ASCC3: variants seen among roughly 807,000 people sequenced by gnomAD.
The protein encoded by ASCC3 is activating signal cointegrator 1 complex subunit 3.
Under a neutral mutation model 256.3 loss-of-function variants are expected in ASCC3, and 158 were observed. The ratio of observed to expected loss-of-function variants is 0.62; its 90% CI spans 0.54 to 0.70. ASCC3 has a LOEUF of 0.70. Among genes scored for constraint, ASCC3 ranks in the 30% least tolerant of loss-of-function variants. The pLI is 0.00. For missense variants in ASCC3, 2,259 were observed against 2,626.0 expected, an observed-to-expected ratio of 0.86 and a Z score of 3.05; for synonymous variants, 948 against 883.4, an observed-to-expected ratio of 1.07 and a Z score of -1.30.
At chr6:100,819,857 T>C (rs1371541911) in intron 4 of ASCC3, among the ~76,000 whole-genome samples, 1 of 152,104 alleles carries the variant, frequency 6.6e-6, no homozygotes, top group Non-Finnish European at 1.5e-5. Context: ...GAACAGTATT[T>C]TGCATCCTTC....
At chr6:100,526,204 T>G (rs1774570587) in intron 37 of ASCC3, among the ~76,000 whole-genome samples, 1 of 152,170 alleles carries the variant, frequency 6.6e-6, no homozygotes, top group Non-Finnish European at 1.5e-5. Flanking sequence ...GTAAAAGCGC[T>G]TCAAGTGTGC....
At chr6:100,692,428 T>A (rs1777886880) in intron 13 of ASCC3, among the ~76,000 whole-genome samples, 1 of 152,072 alleles carries the variant, frequency 6.6e-6, no homozygotes, top group South Asian at 2.1e-4. Context: ...TGGTTTAATA[T>A]GATTATATTT....
intron 10 of ASCC3, among the ~76,000 whole-genome samples, chr6:100,728,076 A>G (rs1244239272): frequency 6.6e-6 from 1 of 152,166 alleles, no homozygotes; most frequent in East Asian, 1.9e-4. Context: ...AACAAATGCA[A>G]TATGTGAGCT....
chr6:100,820,775 C>G (rs1384499902), intron 4 of ASCC3, among the ~76,000 whole-genome samples: 2 of 151,760 alleles, frequency 1.3e-5, no homozygotes, highest in African/African-American at 4.8e-5. Context: ...ACAATGAACT[C>G]TTATAACTCA....
intron 10 of ASCC3, among the ~76,000 whole-genome samples, chr6:100,758,524 T>G (rs1336773840): frequency 2.0e-5 from 3 of 152,212 alleles, no homozygotes; most frequent in Admixed American, 6.5e-5. Flanking sequence ...CTGCTGAGGA[T>G]GATGGTTTCC....
intron 36 of ASCC3, among the ~76,000 whole-genome samples, chr6:100,563,228 C>G (rs1187346887): frequency 3.3e-5 from 5 of 151,800 alleles, no homozygotes; most frequent in African/African-American, 1.2e-4. Context: ...GCACATTTAC[C>G]CATTTCCTTT....
intron 37 of ASCC3, among the ~76,000 whole-genome samples, chr6:100,522,844 G>T (rs543452982): frequency 6.6e-6 from 1 of 151,246 alleles, no homozygotes; most frequent in South Asian, 2.1e-4. Flanking sequence ...TCTGGTAAAT[G>T]GGTACAGCTG....
At position 100,848,188 on chromosome 6, in the gene ASCC3, A is replaced by G. The variant is rs1562340581; in HGVS notation, c.761T>C (p.Met254Thr). The G allele has an allele frequency of 3.1e-6, 5 of 1,605,282 alleles. No homozygotes were observed. Among genetic ancestry groups the G allele is most frequent in the East Asian group, 2.2e-5 (1 of 44,780 alleles). ...VEDLCCTLYDMLASIKSGDEL... is the reference protein window; with the variant it reads ...VEDLCCTLYDTLASIKSGDEL... ...ATCACCACTTTTAATAGAAGCAAGC[A>G]TATCATATAAAGTACAGCAAAGATC... is the stretch of plus-strand genomic sequence containing the variant. The change falls in exon 4 of 42, where the codon ATG becomes ACG. Residue 254 changes from methionine to threonine, a missense_variant. Around this residue, in one of 2 missense-constraint regions of ASCC3, gnomAD observed 420 missense variants for 419.3 expected, o/e 1.00. Coordinates refer to ENST00000369162, the MANE Select transcript of ASCC3 (RefSeq NM_006828.4).
chr6:100,782,462 G>T (rs1782495162), intron 8 of ASCC3, among the ~76,000 whole-genome samples: 3 of 152,120 alleles, frequency 2.0e-5, no homozygotes, highest in Admixed American at 1.3e-4. Context: ...TTCAAAATAT[G>T]ATCCTGCTTC....
chr6:100,576,040 AT>A (rs1770841630), intron 36 of ASCC3, among the ~76,000 whole-genome samples: 1 of 152,054 alleles, frequency 6.6e-6, no homozygotes, highest in Admixed American at 6.6e-5. Flanking sequence ...CTTATATCTA[AT>A]TAGACTACTT....
At position 100,567,096 on chromosome 6, in the gene ASCC3, TTTAAA is replaced by T. The variant is rs539734223; in HGVS notation, c.5550+22533_5550+22537del. On this transcript the variant is annotated intron_variant, in intron 36 of 41. Coordinates refer to ENST00000369162, the MANE Select transcript of ASCC3 (RefSeq NM_006828.4). ...TTTTTATTTAAAAATTAAAATAGCT[TTTAAA>T]TTATTTTAAATATATAATTTACTTA... Among the ~76,000 whole-genome samples the T allele has an allele frequency of 3.3e-3, 498 of 152,112 alleles. 3 individuals carry two copies. Among genetic ancestry groups the T allele is most frequent in the African/African-American group, 0.011 (475 of 41,540 alleles).
At chr6:100,821,806 A>G (rs1331229663) in intron 4 of ASCC3, among the ~76,000 whole-genome samples, 2 of 152,120 alleles carry the variant, frequency 1.3e-5, no homozygotes, top group African/African-American at 4.8e-5. Context: ...CCTGGATGAC[A>G]GAGCGAGACT....
intron 36 of ASCC3, among the ~76,000 whole-genome samples, chr6:100,543,483 A>T (rs1330227774): frequency 2.0e-5 from 3 of 152,132 alleles, no homozygotes; most frequent in Non-Finnish European, 4.4e-5. Flanking sequence ...ATGTATAGAG[A>T]GACAAATATG....
At chr6:100,764,422 A>T (rs1030848925) in intron 10 of ASCC3, among the ~76,000 whole-genome samples, 4 of 152,222 alleles carry the variant, frequency 2.6e-5, no homozygotes, top group African/African-American at 9.6e-5. Flanking sequence ...TTAAGAAAAT[A>T]TTATTTGAGC....
chr6:100,581,195 C>T (rs367982030), intron 36 of ASCC3, among the ~76,000 whole-genome samples: 16 of 152,208 alleles, frequency 1.1e-4, no homozygotes, highest in Admixed American at 5.9e-4. Flanking sequence ...TACAGTCCCA[C>T]CAACAGTGTA....
chr6:100,555,089 A>C lies in ASCC3; in HGVS notation c.5551-14702T>G, dbSNP rs796240338. 2.0e-3 allele frequency among the ~76,000 whole-genome samples: 307 copies of C among 152,044 alleles called. 4 individuals are homozygous for C. Among genetic ancestry groups the C allele is most frequent in the Non-Finnish European group, 1.9e-3 (130 of 67,964 alleles). On this transcript the variant is annotated intron_variant, in intron 36 of 41. Coordinates refer to ENST00000369162, the MANE Select transcript of ASCC3 (RefSeq NM_006828.4). ...TATATTGACCAGAAAATTCACTGCA[A>C]GGTATACTAGGAATTAACATTCCAG...
intron 4 of ASCC3, among the ~76,000 whole-genome samples, chr6:100,815,833 G>A (rs1321299626): frequency 6.6e-6 from 1 of 152,036 alleles, no homozygotes; most frequent in East Asian, 1.9e-4. Flanking sequence ...AGACAACCTA[G>A]ACAATACTAT....
At chr6:100,621,420 G>A (rs1773945008) in intron 30 of ASCC3, among the ~76,000 whole-genome samples, 1 of 152,028 alleles carries the variant, frequency 6.6e-6, no homozygotes, top group Non-Finnish European at 1.5e-5. Flanking sequence ...ACTAAAAAGT[G>A]GGCAAAGGAT....
At chr6:100,639,582 C>A (rs1449761824) in intron 24 of ASCC3, among the ~76,000 whole-genome samples, 1 of 152,070 alleles carries the variant, frequency 6.6e-6, no homozygotes, top group Non-Finnish European at 1.5e-5. Context: ...GAAATTTGAA[C>A]AAGAAGAAAT....
Sources: gnomAD v4.1 joint callset for allele counts (sites outside exome capture counted in the v4.1 genomes callset) on GRCh38, gnomAD v4.1.1 for gene constraint, gnomAD v4.1.1 regional missense constraint, MANE v1.5 for transcripts, NCBI Gene and HGNC (gene_info 2026-07-23, HGNC 2026-07-21) for gene names.